Variants in GRID1 observed in about 807,000 individuals in gnomAD.
GRID1 encodes the protein glutamate receptor ionotropic, delta-1.
Under a neutral mutation model 98.0 loss-of-function variants are expected in GRID1, and 28 were observed. That is an observed-to-expected ratio of 0.29 (90% CI 0.21 to 0.39). The LOEUF is 0.39. Ranked by LOEUF, GRID1 falls within the 10% of genes least tolerant of loss-of-function variation. The pLI, the probability that GRID1 is intolerant of heterozygous loss-of-function variation, is 1.00. For synonymous variants in GRID1, 553 were observed against 538.5 expected (o/e 1.03, Z -0.37); for missense variants, 1,111 against 1,340.5 (o/e 0.83, Z 2.67).
intron 2 of GRID1, among the ~76,000 whole-genome samples, chr10:86,305,299 A>T (rs1847744307): frequency 6.6e-6 from 1 of 152,040 alleles, no homozygotes; most frequent in Non-Finnish European, 1.5e-5. Context: ...ACTTCCCATC[A>T]TTGGTCAGGA....
chr10:85,888,535 A>G (rs1841149264), intron 5 of GRID1, among the ~76,000 whole-genome samples: 1 of 152,172 alleles, frequency 6.6e-6, no homozygotes, highest in Non-Finnish European at 1.5e-5. Context: ...TTGTTCAATC[A>G]TATTTAACCA....
At chr10:85,721,327 G>A (rs762638746) in intron 12 of GRID1, among the ~76,000 whole-genome samples, 2 of 152,132 alleles carry the variant, frequency 1.3e-5, no homozygotes, top group Non-Finnish European at 2.9e-5. Flanking sequence ...ATATGATCCA[G>A]CAATTGCACT....
At chr10:86,040,750 G>T (rs1843334358) in intron 4 of GRID1, among the ~76,000 whole-genome samples, 2 of 152,286 alleles carry the variant, frequency 1.3e-5, no homozygotes, top group South Asian at 2.1e-4. Flanking sequence ...AATTTTGAAT[G>T]TTCCCACAAC....
At chr10:86,339,162 A>G (rs1043634413) in intron 2 of GRID1, among the ~76,000 whole-genome samples, 14 of 152,242 alleles carry the variant, frequency 9.2e-5, no homozygotes, top group Non-Finnish European at 1.5e-5. Flanking sequence ...ACCAGTGAAC[A>G]TCTGTGAAGT....
At chr10:86,181,720 T>C (rs1244292516) in intron 3 of GRID1, among the ~76,000 whole-genome samples, 1 of 152,210 alleles carries the variant, frequency 6.6e-6, no homozygotes, top group Non-Finnish European at 1.5e-5. Context: ...ATGGGGTCTA[T>C]GAGCCCAGGG....
In GRID1 at chr10:85,673,369, G is replaced by A. The variant is rs114845022; in HGVS notation, c.1998-25972C>T. Among the ~76,000 whole-genome samples the A allele has an allele frequency of 4.3e-3, 654 of 152,338 alleles. 5 individuals are homozygous for A. Among genetic ancestry groups the A allele is most frequent in the African/African-American group, 0.014 (578 of 41,572 alleles). On this transcript the variant is annotated intron_variant, in intron 12 of 15. Coordinates refer to ENST00000327946, the MANE Select transcript of GRID1 (RefSeq NM_017551.3). ...GAAGAAGTGGCAAGGTTTGAGAAGTGTGACTCCAACGTTCACAGAAGTTCT... is the reference window on the plus strand; with the variant it reads ...GAAGAAGTGGCAAGGTTTGAGAAGTATGACTCCAACGTTCACAGAAGTTCT...
intron 4 of GRID1, among the ~76,000 whole-genome samples, chr10:86,091,856 C>T (rs1482350436): frequency 6.6e-6 from 1 of 152,192 alleles, no homozygotes; most frequent in African/African-American, 2.4e-5. Flanking sequence ...CGGGTAGACT[C>T]GCTGGGTAGC....
intron 8 of GRID1, among the ~76,000 whole-genome samples, chr10:85,784,200 T>C (rs182777064): frequency 1.5e-4 from 23 of 152,340 alleles, no homozygotes; most frequent in Admixed American, 9.8e-4. Context: ...AGGAATCATC[T>C]AGCTCAAGAT....
At chr10:86,090,155 C>T (rs1589367623) in intron 4 of GRID1, among the ~76,000 whole-genome samples, 2 of 151,872 alleles carry the variant, frequency 1.3e-5, no homozygotes, top group Non-Finnish European at 1.5e-5. Flanking sequence ...CTGGTGGTGA[C>T]GCCTATAAAC....
chr10:85,801,317 C>G (rs1303456512), intron 8 of GRID1, among the ~76,000 whole-genome samples: 1 of 151,776 alleles, frequency 6.6e-6, no homozygotes, highest in African/African-American at 2.4e-5. Flanking sequence ...GATGCATGTT[C>G]TTTTTAGAAA....
At chr10:86,139,156 T>C in intron 3 of GRID1, 132 bp from the exon 4 acceptor site, 1 of 665,456 alleles carries the variant, frequency 1.5e-6, no homozygotes. Context: ...TCAGCCTCAG[T>C]GATTCCCGTA....
chr10:85,916,403 A>G lies in GRID1; in HGVS notation c.727-164T>C, dbSNP rs1013676546. Among the ~76,000 whole-genome samples, 4 of 152,186 alleles carry G rather than the reference A, an allele frequency of 2.6e-5. No individual in the cohort carries two copies. The highest frequency in any genetic ancestry group is 9.7e-5 in the African/African-American group (4 of 41,450). Reference sequence around the variant, plus strand: ...TGCTCTGGCTGCCTTAGCTGCAAGAAGCTTCATCTGAACACAGACATCTGA... The same window carrying G: ...TGCTCTGGCTGCCTTAGCTGCAAGAGGCTTCATCTGAACACAGACATCTGA... On this transcript the variant is annotated intron_variant, in intron 4 of 15. Coordinates refer to ENST00000327946, the MANE Select transcript of GRID1 (RefSeq NM_017551.3). This position sits in a 1 kb window ranked among gnomAD's most constrained non-coding sequence, Gnocchi z 4.0.
chr10:85,848,454 G>A (rs1447212194), intron 8 of GRID1, among the ~76,000 whole-genome samples: 1 of 152,004 alleles, frequency 6.6e-6, no homozygotes, highest in African/African-American at 2.4e-5. Context: ...TATTTCCACT[G>A]AAAAAATCAT....
intron 12 of GRID1, among the ~76,000 whole-genome samples, chr10:85,676,863 T>G (rs1841151003): frequency 6.6e-6 from 1 of 152,232 alleles, no homozygotes; most frequent in East Asian, 1.9e-4. Flanking sequence ...GCTTACCAGA[T>G]TTAAGCACAA....
chr10:86,165,299 T>C (rs1268739575), intron 3 of GRID1, among the ~76,000 whole-genome samples: 2 of 152,216 alleles, frequency 1.3e-5, no homozygotes, highest in African/African-American at 4.8e-5. Flanking sequence ...AATGGTTGTG[T>C]CAAAGCATCT....
chr10:85,875,279 T>C (rs1342067893), intron 5 of GRID1, among the ~76,000 whole-genome samples: 1 of 152,188 alleles, frequency 6.6e-6, no homozygotes, highest in Non-Finnish European at 1.5e-5. Flanking sequence ...GTAACACATC[T>C]TGCCTTATGG....
intron 2 of GRID1, among the ~76,000 whole-genome samples, chr10:86,361,723 AT>A (rs1225661754): frequency 6.6e-6 from 1 of 152,216 alleles, no homozygotes; most frequent in African/African-American, 2.4e-5. Context: ...TTAAATCAAA[AT>A]TTACATTAAG....
At chr10:86,199,022 G>A (rs775501985) in intron 3 of GRID1, among the ~76,000 whole-genome samples, 1 of 152,136 alleles carries the variant, frequency 6.6e-6, no homozygotes, top group Non-Finnish European at 1.5e-5. Context: ...GAGGAATGGC[G>A]ATCCATGCTT....
At position 85,680,344 on chromosome 10, in the gene GRID1, G is replaced by A. The variant is rs151300490; in HGVS notation, c.1998-32947C>T. On this transcript the variant is annotated intron_variant, in intron 12 of 15. Coordinates refer to ENST00000327946, the MANE Select transcript of GRID1 (RefSeq NM_017551.3). ...CCCTCACTCCTTCCCTAGCCCAGGA[G>A]TCTACAGCTTCCTTCTCCAGCCTAT... 1.5e-3 allele frequency among the ~76,000 whole-genome samples: 225 copies of A among 152,240 alleles called. 1 individual carries two copies. Among genetic ancestry groups the A allele is most frequent in the African/African-American group, 5.3e-3 (222 of 41,548 alleles).
Sources: gnomAD v4.1 joint callset for allele counts (sites outside exome capture counted in the v4.1 genomes callset) on GRCh38, gnomAD v4.1.1 for gene constraint, Gnocchi (gnomAD v3.1) non-coding constraint, MANE v1.5 for transcripts, NCBI Gene and HGNC (gene_info 2026-07-23, HGNC 2026-07-21) for gene names.